The following NTRK1 variants were observed in gnomAD, a reference collection of about 807,000 sequenced individuals.
NTRK1 encodes neurotrophic receptor tyrosine kinase 1, also known as high affinity nerve growth factor receptor.
A neutral mutation model predicts 86.8 loss-of-function variants in NTRK1; 62 were observed. The ratio of observed to expected loss-of-function variants is 0.71; its 90% CI spans 0.58 to 0.88. The LOEUF (loss-of-function observed/expected upper bound fraction) is 0.88. Among genes scored for constraint, NTRK1 ranks in the 40% least tolerant of loss-of-function variants. The pLI is 0.00. For missense variants in NTRK1, 967 were observed against 1,078.4 expected, an observed-to-expected ratio of 0.90 and a Z score of 1.45; for synonymous variants, 469 against 456.6, an observed-to-expected ratio of 1.03 and a Z score of -0.35.
chr1:156,861,181 A>T, intron 1 of NTRK1, 35 bp downstream of exon 1: 1 of 1,534,718 alleles, frequency 6.5e-7, no homozygotes, highest in Non-Finnish European at 8.7e-7. Flanking sequence ...GGGCGCGGGG[A>T]CAGGCAGGCA....
chr1:156,841,650 C>G (rs964356412), intron 1 of NTRK1: 3 of 1,612,818 alleles, frequency 1.9e-6, no homozygotes, highest in Non-Finnish European at 2.5e-6. Flanking sequence ...GCCCTGTGCT[C>G]CAGCTCGGCC....
chr1:156,853,292 G>C lies in NTRK1; in HGVS notation c.51-11062G>C, dbSNP rs372730007. On this transcript the variant is annotated intron_variant, in intron 2 of 16. Transcript: ENST00000392302. ...GAACTGCTACCATGACCCAGGCCCT[G>C]CTCTGACACTTTGTAGAGTAACTCA... is the stretch of plus-strand genomic sequence containing the variant. Among the ~76,000 whole-genome samples the C allele has an allele frequency of 5.9e-5, 9 of 152,284 alleles. No homozygotes were observed. In the East Asian group the frequency reaches 1.2e-3, roughly 20 times the overall value.
At chr1:156,844,117 CT>C (rs1367658844) in intron 2 of NTRK1, 1 of 1,297,426 alleles carries the variant, frequency 7.7e-7, no homozygotes, top group Admixed American at 1.8e-5. Flanking sequence ...CTTTGACAGA[CT>C]TTATGATGAG....
At position 156,876,089 on chromosome 1, in the gene NTRK1, A is replaced by G. The variant is rs1647885537; in HGVS notation, c.1511A>G (p.His504Arg). The change falls in exon 13 of 17, where the codon CAC (histidine) becomes CGC (arginine). Residue 504 changes from histidine to arginine, a missense_variant. Around this residue, in one of 2 missense-constraint regions of NTRK1, gnomAD observed 637 missense variants for 776.5 expected, o/e 0.82. Transcript: ENST00000524377. ...CTGCAAGCCCCCTCAGGTGTTCACCACATCAAGCGCCGGGACATCGTGCTC... is the reference window on the plus strand; with the variant it reads ...CTGCAAGCCCCCTCAGGTGTTCACCGCATCAAGCGCCGGGACATCGTGCTC... The part of the protein sequence containing the change: ...PQYFSDACVH[H>R]IKRRDIVLKW... 1 of 1,614,062 alleles carries G rather than the reference A, an allele frequency of 6.2e-7. No homozygotes were observed. Among genetic ancestry groups the G allele is most frequent in the Non-Finnish European group, 8.5e-7 (1 of 1,180,032 alleles).
intron 2 of NTRK1, among the ~76,000 whole-genome samples, chr1:156,849,684 A>G (rs1169816347): frequency 6.6e-6 from 1 of 152,096 alleles, no homozygotes; most frequent in Non-Finnish European, 1.5e-5. Context: ...GGTTTTCCTC[A>G]TCAGTGAAAT....
intron 2 of NTRK1, chr1:156,846,255 G>T: frequency 2.1e-6 from 2 of 971,856 alleles, no homozygotes; most frequent in South Asian, 3.5e-5. Context: ...TGGCTTCCTA[G>T]AACTCAGTGT....
At position 156,868,606 on chromosome 1, in the gene NTRK1, G is replaced by A. The variant is rs760918699; in HGVS notation, c.676G>A (p.Gly226Ser). ...GGAGGGGCGGGGCCTGGAGCAGGCC[G>A]GCTGGATCCTCACAGAGCTGGAGCA... The part of the protein sequence containing the change: ...QVEGRGLEQA[G>S]WILTELEQSA... Residue 226 changes from glycine to serine, a missense_variant, in exon 6 of 17, where the codon GGC becomes AGC. Physicochemically the swap from Gly to Ser is moderately conservative, Grantham distance 56 (BLOSUM62 0). Around this residue, in one of 2 missense-constraint regions of NTRK1, gnomAD observed 330 missense variants for 302.0 expected, o/e 1.09. Transcript: ENST00000524377. 4.5e-5 allele frequency: 70 copies of A among 1,551,042 alleles called. No individual in the cohort carries two copies. Among genetic ancestry groups the A allele is most frequent in the South Asian group, 3.2e-4 (27 of 84,066 alleles).
intron 3 of NTRK1, 95 bp downstream of exon 3, chr1:156,864,894 G>T: frequency 7.9e-7 from 1 of 1,262,994 alleles, no homozygotes; most frequent in Middle Eastern, 1.9e-4. Context: ...TGATTGCGAG[G>T]AGGGCCCAAG....
At chr1:156,842,819 C>T (rs567959851) in intron 2 of NTRK1, among the ~76,000 whole-genome samples, 4 of 152,306 alleles carry the variant, frequency 2.6e-5, no homozygotes, top group Non-Finnish European at 5.9e-5. Context: ...CATGACTCTA[C>T]AGTGGCCCTA....
chr1:156,844,279 C>T (rs1654906581), intron 2 of NTRK1: 2 of 1,611,872 alleles, frequency 1.2e-6, no homozygotes, highest in Non-Finnish European at 1.7e-6. Flanking sequence ...CATCCTCCTC[C>T]TCTGGCAGTC....
chr1:156,877,512 A>T (rs1168950484), intron 14 of NTRK1, among the ~76,000 whole-genome samples: 1 of 152,220 alleles, frequency 6.6e-6, no homozygotes, highest in East Asian at 1.9e-4. Flanking sequence ...TCAGCCCCTG[A>T]TGTGATGGTC....
Position 156,823,038 on chromosome 1 carries a change from C to T in NTRK1, c.-64+7200C>T, listed in dbSNP as rs574788945. On this transcript the variant is annotated intron_variant, in intron 1 of 16. Transcript: ENST00000392302. ...TCTCAAAGTGAATAGGTGGAAGTTGCTGCTACCAGTTGAATGGAATTCTTA... is the reference window on the plus strand; with the variant it reads ...TCTCAAAGTGAATAGGTGGAAGTTGTTGCTACCAGTTGAATGGAATTCTTA... Among the ~76,000 whole-genome samples, 107 of 152,320 alleles carry T rather than the reference C, an allele frequency of 7.0e-4. 1 individual carries two copies. The highest frequency in any genetic ancestry group is 2.4e-3 in the African/African-American group (99 of 41,570).
At chr1:156,843,005 A>G (rs1394339281) in intron 2 of NTRK1, 1 of 1,610,482 alleles carries the variant, frequency 6.2e-7, no homozygotes, top group Non-Finnish European at 8.5e-7. Flanking sequence ...CTCCCTTACC[A>G]CATGGTGACA....
chr1:156,874,541 G>GCTCA (rs1166909421), intron 9 of NTRK1, 30 bp from the exon 10 acceptor site: 12 of 1,612,988 alleles, frequency 7.4e-6, no homozygotes, highest in Non-Finnish European at 9.3e-6. Context: ...GTGTGTCAAG[G>GCTCA]CTCACCCCTC....
chr1:156,832,123 C>A (rs1186947200), intron 1 of NTRK1, among the ~76,000 whole-genome samples: 8 of 152,178 alleles, frequency 5.3e-5, no homozygotes, highest in Non-Finnish European at 1.0e-4. Context: ...TTTGCTGGAG[C>A]AAATGAAACT....
intron 2 of NTRK1, among the ~76,000 whole-genome samples, chr1:156,848,631 T>C (rs1404995703): frequency 2.0e-5 from 3 of 152,116 alleles, no homozygotes; most frequent in African/African-American, 7.2e-5. Context: ...AACATTAGCA[T>C]AATGAAGTGA....
chr1:156,859,398 CG>C, upstream of NTRK1, among the ~76,000 whole-genome samples: 1 of 152,244 alleles, frequency 6.6e-6, no homozygotes, highest in African/African-American at 2.4e-5. This position sits in a 1 kb window ranked among gnomAD's most constrained non-coding sequence, Gnocchi z 6.2. Flanking sequence ...GCTGCACCGC[CG>C]GAGGGGCAGC....
intron 11 of NTRK1, among the ~76,000 whole-genome samples, 189 bp downstream of exon 11, chr1:156,875,197 G>A (rs1375601550): frequency 1.3e-5 from 2 of 151,666 alleles, no homozygotes; most frequent in African/African-American, 4.8e-5. Context: ...AGCGTGTGTC[G>A]GGCTGGTGCT....
chr1:156,845,076 T>G lies in NTRK1; in HGVS notation c.50+2883T>G, dbSNP rs150115105. The G allele has an allele frequency of 6.3e-5, 101 of 1,604,914 alleles. No homozygotes were observed. The African/African-American group carries it at 1.3e-3, about 20-fold the overall frequency. The stretch of plus-strand genomic sequence containing the variant: ...GAAGGTGTGTGTGTGGATCACCTAC[T>G]GTGGGGCATGGTGCGCGCAAAGACG... On this transcript the variant is annotated intron_variant, in intron 2 of 16. Transcript: ENST00000392302.
Sources: allele counts gnomAD v4.1 joint callset (sites outside exome capture counted in the v4.1 genomes callset), GRCh38; gene constraint gnomAD v4.1.1; regional missense constraint gnomAD v4.1.1; non-coding constraint Gnocchi (gnomAD v3.1); transcripts MANE v1.5; gene names NCBI Gene and HGNC (gene_info 2026-07-23, HGNC 2026-07-21).